BCL11A: variants seen among roughly 807,000 people sequenced by gnomAD.
BCL11A encodes B cell CLL/lymphoma 11A.
Under a neutral mutation model 55.9 loss-of-function variants are expected in BCL11A, and 2 were observed. That is an observed-to-expected ratio of 0.04 (90% CI 0.01 to 0.11). The LOEUF (loss-of-function observed/expected upper bound fraction) is 0.11, where lower values mean the gene tolerates loss of function less well. Among genes scored for constraint, BCL11A ranks in the 10% least tolerant of loss-of-function variants. BCL11A has a pLI of 1.00. For missense variants in BCL11A, 817 were observed against 1,137.1 expected, an observed-to-expected ratio of 0.72 and a Z score of 4.05; for synonymous variants, 465 against 473.4, an observed-to-expected ratio of 0.98 and a Z score of 0.23.
chr2:60,540,085 A>G (rs1669850403), intron 2 of BCL11A, among the ~76,000 whole-genome samples: 1 of 152,204 alleles, frequency 6.6e-6, no homozygotes, highest in South Asian at 2.1e-4. Context: ...CATAACATAA[A>G]AACCTGCTTG....
chr2:60,516,518 C>A (rs768871107), intron 2 of BCL11A, among the ~76,000 whole-genome samples: 1 of 152,124 alleles, frequency 6.6e-6, no homozygotes, highest in East Asian at 1.9e-4. Context: ...GGAGGGGGCA[C>A]CTTAGGAGAC....
intron 2 of BCL11A, among the ~76,000 whole-genome samples, chr2:60,491,909 C>T (rs1678662904): frequency 6.6e-6 from 1 of 152,092 alleles, no homozygotes; most frequent in Non-Finnish European, 1.5e-5. Flanking sequence ...ACAAATCTGC[C>T]AAATAAATGA....
chr2:60,520,189 A>T (rs1573048663), intron 2 of BCL11A, among the ~76,000 whole-genome samples: 1 of 152,214 alleles, frequency 6.6e-6, no homozygotes, highest in Admixed American at 6.5e-5. Flanking sequence ...AAATAATTGC[A>T]AAATTATTTA....
chr2:60,452,642 C>T (rs564609137), downstream of BCL11A: 37 of 1,613,738 alleles, frequency 2.3e-5, no homozygotes, highest in South Asian at 7.7e-5. Context: ...CTGGGTACTA[C>T]GCCGAATGGG....
At chr2:60,477,338 C>G (rs533767639) in intron 2 of BCL11A, among the ~76,000 whole-genome samples, 3 of 152,340 alleles carry the variant, frequency 2.0e-5, no homozygotes, top group South Asian at 4.1e-4. Flanking sequence ...CTCTGAAGAC[C>G]ACCCCAAGCC....
chr2:60,553,177 A>ATT, intron 1 of BCL11A, 39 bp downstream of exon 1: 1 of 1,574,948 alleles, frequency 6.3e-7, no homozygotes, highest in Non-Finnish European at 8.6e-7. Context: ...CGCTCTCGTG[A>ATT]TTATTAATAA....
Position 60,457,350 on chromosome 2 carries a change from C to T in BCL11A, c.*3054G>A. ...ACAATAAAAAGCCAGGTTGTAATGACCTTTGGTCATCTAAATAAAAAAAAA... is the reference window on the plus strand; with the variant it reads ...ACAATAAAAAGCCAGGTTGTAATGATCTTTGGTCATCTAAATAAAAAAAAA... On this transcript the variant is annotated 3_prime_UTR_variant, in exon 4 of 4. Transcript: ENST00000642384. 9.8e-7 allele frequency: 1 copy of T among 1,020,254 alleles called. No homozygotes were observed. The highest frequency in any genetic ancestry group is 1.2e-6 in the Non-Finnish European group (1 of 849,146). The allele number at this position is 1,020,254 out of a possible 1,614,324, so 63.2% of individuals were successfully genotyped here.
chr2:60,458,043 T>C lies in BCL11A; in HGVS notation c.*2361A>G, dbSNP rs1676029196. 2.7e-5 allele frequency: 28 copies of C among 1,034,864 alleles called. No individual in the cohort carries two copies. The highest frequency in any genetic ancestry group is 5.9e-5 in the East Asian group (1 of 16,830). The allele number at this position is 1,034,864 out of a possible 1,614,324, so 64.1% of individuals were successfully genotyped here. ...ACTGTGGCAGCCTGTCTTTTTTTTT[T>C]CCACTACCAAAAAAGGTACATTGAT... On this transcript the variant is annotated 3_prime_UTR_variant, in exon 4 of 4. Coordinates refer to ENST00000642384, the MANE Select transcript of BCL11A (RefSeq NM_022893.4).
chr2:60,533,434 A>C (rs1669542679), intron 2 of BCL11A: 1 of 152,244 alleles, frequency 6.6e-6, no homozygotes, highest in African/African-American at 2.4e-5. Context: ...AGACCTTCCT[A>C]TCCACAGCCA....
chr2:60,542,064 A>T, intron 2 of BCL11A: 1 of 567,548 alleles, frequency 1.8e-6, no homozygotes, highest in African/African-American at 1.9e-5. Flanking sequence ...CCTTCTTTAG[A>T]GTATCTGTCT....
At chr2:60,517,179 A>G (rs548786716) in intron 2 of BCL11A, among the ~76,000 whole-genome samples, 1 of 152,304 alleles carries the variant, frequency 6.6e-6, no homozygotes, top group African/African-American at 2.4e-5. Flanking sequence ...GTGGTGAGGA[A>G]GAGGTTGGGC....
intron 2 of BCL11A, among the ~76,000 whole-genome samples, chr2:60,484,975 A>C (rs1678185675): frequency 6.6e-6 from 1 of 151,812 alleles, no homozygotes; most frequent in Admixed American, 6.6e-5. Flanking sequence ...AAAAAAAAAA[A>C]AAAAAACCAA....
chr2:60,517,047 G>GA (rs1668764225), intron 2 of BCL11A, among the ~76,000 whole-genome samples: 1 of 152,244 alleles, frequency 6.6e-6, no homozygotes, highest in African/African-American at 2.4e-5. Context: ...AGCTGGTGAT[G>GA]AGATACTTTG....
In BCL11A at chr2:60,546,039, G is replaced by A. The variant is rs1670134440; in HGVS notation, c.317C>T (p.Thr106Met). 3 of 1,614,238 alleles carry A rather than the reference G, an allele frequency of 1.9e-6. No individual in the cohort carries two copies. Among genetic ancestry groups the A allele is most frequent in the Non-Finnish European group, 2.5e-6 (3 of 1,180,054 alleles). The change falls in exon 2 of 4, where the codon ACG (threonine) becomes ATG (methionine). Residue 106 changes from threonine (T) to methionine (M), a missense_variant. By Grantham distance (81) the Thr-to-Met change is moderately conservative. This residue lies in a region of BCL11A where 363 missense variants were observed against 486.6 expected (regional missense o/e 0.75). Coordinates refer to ENST00000642384, the MANE Select transcript of BCL11A (RefSeq NM_022893.4). This position sits in a 1 kb window ranked among gnomAD's most constrained non-coding sequence, Gnocchi z 4.1. ...SNPVEVGIQVTPEDDDCLSTS... is the reference protein window; with the variant it reads ...SNPVEVGIQVMPEDDDCLSTS... ...TGATAAACAATCGTCATCCTCTGGC[G>A]TGACCTGGATGCCAACCTCCACGGG...
At chr2:60,521,322 G>A (rs140697954) in intron 2 of BCL11A, among the ~76,000 whole-genome samples, 70 of 152,320 alleles carry the variant, frequency 4.6e-4, no homozygotes, top group African/African-American at 1.5e-3. Context: ...TGTGTGAAGC[G>A]AGAGAGAGCG....
intron 1 of BCL11A, among the ~76,000 whole-genome samples, chr2:60,552,387 G>T (rs748706547): frequency 6.6e-6 from 1 of 151,946 alleles, no homozygotes; most frequent in Non-Finnish European, 1.5e-5. Flanking sequence ...GCGTGCCCCC[G>T]GCCGCCTCCT....
intron 2 of BCL11A, among the ~76,000 whole-genome samples, chr2:60,482,322 G>A (rs1678008942): frequency 6.6e-6 from 1 of 152,118 alleles, no homozygotes. Flanking sequence ...GTGTGGGGAG[G>A]AGGCTGATAC....
rs887844758 is a variant in BCL11A at position 60,471,328 on chromosome 2, C to A, written c.386-2495G>T. On this transcript the variant is annotated intron_variant, in intron 2 of 3. Coordinates refer to ENST00000642384, the MANE Select transcript of BCL11A (RefSeq NM_022893.4). ...AAAAGCACACTGTCTTTGTGAGACTCACCCTTGCATTTATCTTCCTTCAGG... is the reference window on the plus strand; with the variant it reads ...AAAAGCACACTGTCTTTGTGAGACTAACCCTTGCATTTATCTTCCTTCAGG... Among the ~76,000 whole-genome samples the A allele has an allele frequency of 3.0e-4, 46 of 152,240 alleles. 1 individual carries two copies. Among genetic ancestry groups the A allele is most frequent in the African/African-American group, 1.1e-3 (46 of 41,454 alleles).
chr2:60,490,046 G>A (rs544837848), intron 2 of BCL11A, among the ~76,000 whole-genome samples: 2 of 152,240 alleles, frequency 1.3e-5, no homozygotes, highest in South Asian at 2.1e-4. Context: ...CATCTGCAAT[G>A]GGGGCAAAGG....
Sources: allele counts gnomAD v4.1 joint callset (sites outside exome capture counted in the v4.1 genomes callset), GRCh38; gene constraint gnomAD v4.1.1; regional missense constraint gnomAD v4.1.1; non-coding constraint Gnocchi (gnomAD v3.1); transcripts MANE v1.5; gene names NCBI Gene and HGNC (gene_info 2026-07-23, HGNC 2026-07-21).